Variants in GRM7 observed in about 807,000 individuals in gnomAD.
The protein encoded by GRM7 is metabotropic glutamate receptor 7.
GRM7 carries 35 observed loss-of-function variants against 84.5 expected under a neutral mutation model. That is an observed-to-expected ratio of 0.41 (90% CI 0.32 to 0.55). GRM7 has a LOEUF of 0.55. Ranked by LOEUF, GRM7 falls within the 20% of genes least tolerant of loss-of-function variation. GRM7 has a pLI of 0.19. For missense variants in GRM7, 1,003 were observed against 1,194.6 expected, an observed-to-expected ratio of 0.84 and a Z score of 2.36; for synonymous variants, 487 against 455.1, an observed-to-expected ratio of 1.07 and a Z score of -0.89.
intron 1 of GRM7, among the ~76,000 whole-genome samples, chr3:6,885,922 A>C (rs182929887): frequency 1.3e-5 from 2 of 152,150 alleles, no homozygotes; most frequent in African/African-American, 4.8e-5. Flanking sequence ...TGGATGCTAT[A>C]TTTTGTTTTC....
In GRM7 at chr3:7,188,691, G is replaced by T. The variant is rs113518341; in HGVS notation, c.736+42023G>T. Reference sequence around the variant, plus strand: ...TCAGTTTCAACAGTGTAGCAGAGGAGTTTATTTCTCATTCCTGTACTATTC... The same window carrying T: ...TCAGTTTCAACAGTGTAGCAGAGGATTTTATTTCTCATTCCTGTACTATTC... On this transcript the variant is annotated intron_variant, in intron 2 of 9. Coordinates refer to ENST00000357716, the MANE Select transcript of GRM7 (RefSeq NM_000844.4). This position sits in a 1 kb window ranked among gnomAD's most constrained non-coding sequence, Gnocchi z 4.2. Among the ~76,000 whole-genome samples the T allele has an allele frequency of 3.9e-5, 6 of 152,252 alleles. No homozygotes were observed. Among genetic ancestry groups the T allele is most frequent in the African/African-American group, 9.6e-5 (4 of 41,544 alleles).
intron 2 of GRM7, among the ~76,000 whole-genome samples, chr3:7,154,013 A>C (rs753321683): frequency 4.6e-5 from 7 of 152,216 alleles, no homozygotes; most frequent in Non-Finnish European, 5.9e-5. Context: ...AGAGAGAAGC[A>C]TGTTAAAAGT....
Position 7,318,939 on chromosome 3 carries a change from A to G in GRM7, c.1033+12287A>G, listed in dbSNP as rs575455523. The stretch of plus-strand genomic sequence containing the variant: ...CTCTGAATTCACATTTCAGACAAAA[A>G]TGCCAATTTGTCGTTTGGATTTTAG... On this transcript the variant is annotated intron_variant, in intron 4 of 9. Coordinates refer to ENST00000357716, the MANE Select transcript of GRM7 (RefSeq NM_000844.4). Among the ~76,000 whole-genome samples the G allele has an allele frequency of 1.6e-3, 238 of 152,204 alleles. 1 individual carries two copies. Among genetic ancestry groups the G allele is most frequent in the African/African-American group, 5.5e-3 (228 of 41,572 alleles).
chr3:7,287,114 G>C (rs986275763), intron 2 of GRM7, among the ~76,000 whole-genome samples: 1 of 152,088 alleles, frequency 6.6e-6, no homozygotes, highest in African/African-American at 2.4e-5. Flanking sequence ...GATAAAGAAA[G>C]CTATTTTCAG....
intron 1 of GRM7, among the ~76,000 whole-genome samples, chr3:7,131,611 G>A (rs201112486): frequency 1.1e-4 from 17 of 151,866 alleles, no homozygotes; most frequent in South Asian, 4.2e-4. Flanking sequence ...CCTGAGTAGC[G>A]GGGACTACAG....
At chr3:7,127,132 C>G (rs758554357) in intron 1 of GRM7, among the ~76,000 whole-genome samples, 9 of 152,204 alleles carry the variant, frequency 5.9e-5, no homozygotes, top group Non-Finnish European at 1.2e-4. Context: ...AATTATCTGA[C>G]ACTCTTCTTC....
chr3:7,215,630 A>T lies in GRM7; in HGVS notation c.736+68962A>T, dbSNP rs982292864. On this transcript the variant is annotated intron_variant, in intron 2 of 9. Transcript: ENST00000357716. ...CAGTGAGCTGAGATCGCGCCACTGCACTCCAGCCTGGGCGACAGAGCGAGA... is the reference window on the plus strand; with the variant it reads ...CAGTGAGCTGAGATCGCGCCACTGCTCTCCAGCCTGGGCGACAGAGCGAGA... Among the ~76,000 whole-genome samples, 6 of 151,952 alleles carry T rather than the reference A, an allele frequency of 3.9e-5. No homozygotes were observed. In the South Asian group the frequency reaches 1.0e-3, roughly 26 times the overall value.
At chr3:7,477,807 AG>A (rs1698983382) in intron 7 of GRM7, among the ~76,000 whole-genome samples, 1 of 152,134 alleles carries the variant, frequency 6.6e-6, no homozygotes, top group African/African-American at 2.4e-5. Context: ...CTGTATCTCC[AG>A]TTAAAAAGTA....
chr3:7,118,858 AC>A (rs1380371002), intron 1 of GRM7, among the ~76,000 whole-genome samples: 1 of 152,124 alleles, frequency 6.6e-6, no homozygotes, highest in Non-Finnish European at 1.5e-5. Flanking sequence ...CGATATCCTC[AC>A]CTTCCAAAAT....
At chr3:7,240,313 G>A (rs1286628834) in intron 2 of GRM7, among the ~76,000 whole-genome samples, 2 of 150,858 alleles carry the variant, frequency 1.3e-5, no homozygotes, top group Admixed American at 1.3e-4. Context: ...ATAGTGAGGG[G>A]CCAAAGGACA....
chr3:7,483,997 T>C (rs1361136533), intron 7 of GRM7, among the ~76,000 whole-genome samples: 1 of 152,178 alleles, frequency 6.6e-6, no homozygotes, highest in Non-Finnish European at 1.5e-5. Flanking sequence ...TATAATTGAA[T>C]ATGCTTCTGT....
At chr3:7,097,065 G>A (rs565383387) in intron 1 of GRM7, among the ~76,000 whole-genome samples, 1 of 152,202 alleles carries the variant, frequency 6.6e-6, no homozygotes, top group African/African-American at 2.4e-5. Context: ...CGAGTCTGGG[G>A]CACAATTTAG....
At chr3:6,955,657 A>T (rs1026754647) in intron 1 of GRM7, among the ~76,000 whole-genome samples, 1 of 152,116 alleles carries the variant, frequency 6.6e-6, no homozygotes, top group Non-Finnish European at 1.5e-5. Flanking sequence ...AGCGTGGCCA[A>T]CATGGTGACA....
Position 7,253,877 on chromosome 3 carries a change from G to A in GRM7, c.737-44807G>A, listed in dbSNP as rs563378054. Among the ~76,000 whole-genome samples, 116 of 152,248 alleles carry A rather than the reference G, an allele frequency of 7.6e-4. 1 individual carries two copies. The highest frequency in any genetic ancestry group is 1.4e-3 in the Non-Finnish European group (92 of 68,026). The stretch of plus-strand genomic sequence containing the variant: ...TTTGCGCATCATTTCAGAGTCAATT[G>A]ATGAGATATCCCCTTTCCCGGGTCC... On this transcript the variant is annotated intron_variant, in intron 2 of 9. Coordinates refer to ENST00000357716, the MANE Select transcript of GRM7 (RefSeq NM_000844.4).
chr3:7,177,409 T>C (rs1161026722), intron 2 of GRM7, among the ~76,000 whole-genome samples: 1 of 152,126 alleles, frequency 6.6e-6, no homozygotes, highest in Non-Finnish European at 1.5e-5. Context: ...GTATCTCTTC[T>C]GCTGCTGCGC....
chr3:7,213,385 A>T (rs1370502780), intron 2 of GRM7, among the ~76,000 whole-genome samples: 2 of 152,166 alleles, frequency 1.3e-5, no homozygotes, highest in Admixed American at 1.3e-4. Flanking sequence ...AAATCATACA[A>T]CTTAAGAGGT....
chr3:7,103,360 A>G (rs566121345), intron 1 of GRM7, among the ~76,000 whole-genome samples: 1 of 151,872 alleles, frequency 6.6e-6, no homozygotes, highest in Non-Finnish European at 1.5e-5. Context: ...GTCAGATTCT[A>G]AATTCTGCCT....
intron 8 of GRM7, among the ~76,000 whole-genome samples, chr3:7,606,662 T>G (rs1696590268): frequency 6.6e-6 from 1 of 152,038 alleles, no homozygotes; most frequent in South Asian, 2.1e-4. Context: ...GCCTCCTGAG[T>G]AGCTGGGATC....
At chr3:7,296,859 G>A (rs7618358) in intron 2 of GRM7, among the ~76,000 whole-genome samples, 3 of 149,404 alleles carry the variant, frequency 2.0e-5, no homozygotes, top group Non-Finnish European at 3.0e-5. Context: ...ATGTTGCCCC[G>A]ACTGGTCTCC....
Sources: allele counts gnomAD v4.1 joint callset (sites outside exome capture counted in the v4.1 genomes callset), GRCh38; gene constraint gnomAD v4.1.1; non-coding constraint Gnocchi (gnomAD v3.1); transcripts MANE v1.5; gene names NCBI Gene and HGNC (gene_info 2026-07-23, HGNC 2026-07-21).